The following RASAL2 variants were observed in gnomAD, a reference collection of about 807,000 sequenced individuals.
RASAL2 encodes RAS protein activator like 2.
In RASAL2, 58 loss-of-function variants were observed where a neutral mutation model predicts 128.9. That is an observed-to-expected ratio of 0.45 (90% CI 0.36 to 0.56). The LOEUF is 0.56. RASAL2 is among the 20% of genes least tolerant of loss of function. The pLI is 0.00. For missense variants in RASAL2, 1,360 were observed against 1,601.6 expected (o/e 0.85, Z 2.57); for synonymous variants, 561 against 580.8 (o/e 0.97, Z 0.49).
chr1:178,141,208 T>C (rs1273759301), intron 1 of RASAL2, among the ~76,000 whole-genome samples: 1 of 143,984 alleles, frequency 6.9e-6, no homozygotes, highest in African/African-American at 2.5e-5. Context: ...TTTTTTTTTT[T>C]TTTTTTTTTT....
intron 9 of RASAL2, among the ~76,000 whole-genome samples, chr1:178,445,888 TCC>T (rs1676965054): frequency 6.6e-6 from 1 of 152,090 alleles, no homozygotes; most frequent in Non-Finnish European, 1.5e-5. Flanking sequence ...CTACCCCAGG[TCC>T]CCAGCTTCAT....
At chr1:178,303,910 G>A (rs1434086471) in intron 3 of RASAL2, among the ~76,000 whole-genome samples, 2 of 152,096 alleles carry the variant, frequency 1.3e-5, no homozygotes, top group East Asian at 3.9e-4. Flanking sequence ...TATGGTGTTA[G>A]TTATTAGGAT....
intron 4 of RASAL2, among the ~76,000 whole-genome samples, chr1:178,419,674 A>T (rs143908585): frequency 5.1e-4 from 77 of 152,222 alleles, no homozygotes; most frequent in African/African-American, 1.4e-3. Context: ...ACCGTCATTC[A>T]TTTTTGCATT....
At chr1:178,244,007 T>C (rs1664647297) in intron 1 of RASAL2, among the ~76,000 whole-genome samples, 1 of 152,196 alleles carries the variant, frequency 6.6e-6, no homozygotes, top group Admixed American at 6.5e-5. Context: ...TCCTCACTTA[T>C]TAGTGCTTTT....
intron 1 of RASAL2, among the ~76,000 whole-genome samples, chr1:178,135,102 A>G (rs1209985681): frequency 6.6e-6 from 1 of 152,174 alleles, no homozygotes; most frequent in Non-Finnish European, 1.5e-5. Context: ...TTTGATGCAC[A>G]TTTATTAGGC....
chr1:178,430,907 TACACACAC>T (rs71297897), intron 5 of RASAL2, among the ~76,000 whole-genome samples: 5,985 of 134,052 alleles, frequency 0.045, 387 homozygotes, highest in African/African-American at 0.15. Context: ...GGCAAAAAAG[TACACACAC>T]ACACACACAC....
At chr1:178,360,166 C>A (rs144619051) in intron 3 of RASAL2, among the ~76,000 whole-genome samples, 1 of 152,244 alleles carries the variant, frequency 6.6e-6, no homozygotes, top group Admixed American at 6.6e-5. Context: ...AACTCCACCC[C>A]CAACCCCACC....
intron 1 of RASAL2, among the ~76,000 whole-genome samples, chr1:178,104,473 AT>A (rs528567552): frequency 6.6e-4 from 100 of 152,152 alleles, no homozygotes; most frequent in Non-Finnish European, 1.3e-3. Context: ...CACTTTACTG[AT>A]TTGTCTTTGT....
At chr1:178,319,396 C>G (rs568647182) in intron 3 of RASAL2, among the ~76,000 whole-genome samples, 2 of 151,810 alleles carry the variant, frequency 1.3e-5, no homozygotes, top group Non-Finnish European at 2.9e-5. Context: ...TGTTTTCCAA[C>G]TTGGTTCCAT....
Position 178,445,652 on chromosome 1 carries a change from T to C in RASAL2, c.1617T>C (p.His539=), listed in dbSNP as rs1676946772. 1 of 1,612,052 alleles carries C rather than the reference T, an allele frequency of 6.2e-7. No individual in the cohort carries two copies. The highest frequency in any genetic ancestry group is 1.3e-5 in the African/African-American group (1 of 74,848). ...AGTTGGTGGGACAACAGTATCTTCA[T>C]GACGCACTGGGTATGAAAGAGAAAA... ...YLKLVGQQYL[H]DALGEFIKAL... Residue 539 remains histidine (H), a synonymous_variant, in exon 9 of 18, where the codon CAT becomes CAC. Coordinates refer to ENST00000367649, the MANE Select transcript of RASAL2 (RefSeq NM_170692.4).
intron 1 of RASAL2, among the ~76,000 whole-genome samples, chr1:178,117,950 A>T (rs778474257): frequency 6.6e-6 from 1 of 152,134 alleles, no homozygotes; most frequent in Non-Finnish European, 1.5e-5. Flanking sequence ...GGATCACCTG[A>T]GGTCACGAGT....
At chr1:178,311,253 A>AACACACAC (rs67243509) in intron 3 of RASAL2, among the ~76,000 whole-genome samples, 13,006 of 143,574 alleles carry the variant, frequency 0.091, 645 homozygotes, top group Non-Finnish European at 0.11. Context: ...CACACACACA[A>AACACACAC]ACACACACAC....
chr1:178,454,964 A>G (rs1001053608), intron 12 of RASAL2, among the ~76,000 whole-genome samples: 3 of 152,188 alleles, frequency 2.0e-5, no homozygotes, highest in African/African-American at 7.2e-5. Flanking sequence ...AGCCTTATGC[A>G]TGTCTAATAG....
At chr1:178,286,638 C>G (rs570651332) in intron 2 of RASAL2, among the ~76,000 whole-genome samples, 1 of 152,320 alleles carries the variant, frequency 6.6e-6, no homozygotes, top group African/African-American at 2.4e-5. Context: ...TCTCGAACTC[C>G]TGACCTCAGG....
At chr1:178,471,697 G>A (rs1318439230) in intron 17 of RASAL2, among the ~76,000 whole-genome samples, 5 of 152,164 alleles carry the variant, frequency 3.3e-5, no homozygotes, top group East Asian at 3.9e-4. Flanking sequence ...CCCCCAGAAA[G>A]CAGGAGAGTA....
At chr1:178,210,766 A>G (rs1326681681) in intron 1 of RASAL2, among the ~76,000 whole-genome samples, 1 of 152,214 alleles carries the variant, frequency 6.6e-6, no homozygotes, top group Non-Finnish European at 1.5e-5. Flanking sequence ...TTGAAAATTT[A>G]TATATGGAAA....
At position 178,477,903 on chromosome 1, in the gene RASAL2, T is replaced by C. The variant is rs1416254995; in HGVS notation, c.*4664T>C. On this transcript the variant is annotated 3_prime_UTR_variant, in exon 18 of 18. Transcript: ENST00000367649. ...ACCCTAGATATCATTATTGATACCA[T>C]GGGGAATCATAGAAATAAAGTTGAA... 1 of 152,212 alleles carries C rather than the reference T, an allele frequency of 6.6e-6. No individual in the cohort carries two copies. The highest frequency in any genetic ancestry group is 1.9e-4 in the East Asian group (1 of 5,202). 9.4% of individuals were successfully genotyped at this position (152,212 alleles called of 1,614,324 possible).
At chr1:178,173,120 C>T (rs753891510) in intron 1 of RASAL2, among the ~76,000 whole-genome samples, 3 of 152,070 alleles carry the variant, frequency 2.0e-5, no homozygotes, top group Non-Finnish European at 4.4e-5. Flanking sequence ...TTCTCCATCC[C>T]TTCCTCCCCA....
At chr1:178,129,161 A>G (rs12732507) in intron 1 of RASAL2, among the ~76,000 whole-genome samples, 12,045 of 152,202 alleles carry the variant, frequency 0.079, 546 homozygotes, top group Middle Eastern at 0.13. Flanking sequence ...AGGAAATGCC[A>G]AATTGTTTTC....
Sources: allele counts gnomAD v4.1 joint callset (sites outside exome capture counted in the v4.1 genomes callset), GRCh38; gene constraint gnomAD v4.1.1; transcripts MANE v1.5; gene names NCBI Gene and HGNC (gene_info 2026-07-23, HGNC 2026-07-21).